Variants in DOK6 observed in about 807,000 individuals in gnomAD.
DOK6 encodes the protein docking protein 6.
Under a neutral mutation model 44.0 loss-of-function variants are expected in DOK6, and 22 were observed. That is an observed-to-expected ratio of 0.50 (90% CI 0.36 to 0.71). The LOEUF (loss-of-function observed/expected upper bound fraction) is 0.71. Ranked by LOEUF, DOK6 falls within the 30% of genes least tolerant of loss-of-function variation. DOK6 has a pLI of 0.00. For synonymous variants in DOK6, 166 were observed against 145.5 expected (o/e 1.14, Z -1.01); for missense variants, 340 against 416.4 (o/e 0.82, Z 1.60).
chr18:69,672,618 A>C (rs1433950402), intron 3 of DOK6, among the ~76,000 whole-genome samples: 1 of 149,314 alleles, frequency 6.7e-6, no homozygotes, highest in Non-Finnish European at 1.5e-5. Context: ...TCAGCCTGCC[A>C]AAGTGCTGGG....
chr18:69,531,591 C>T (rs1981987951), intron 1 of DOK6, among the ~76,000 whole-genome samples: 1 of 151,926 alleles, frequency 6.6e-6, no homozygotes, highest in Admixed American at 6.6e-5. Flanking sequence ...TCCAGACATA[C>T]AGAACCTGTA....
At chr18:69,419,745 A>G (rs1273360875) in intron 1 of DOK6, among the ~76,000 whole-genome samples, 1 of 152,328 alleles carries the variant, frequency 6.6e-6, no homozygotes, top group Middle Eastern at 3.4e-3. Flanking sequence ...CATTTACTAT[A>G]CACAGGAGGA....
intron 7 of DOK6, chr18:69,832,490 C>T (rs1981929170): frequency 6.6e-6 from 1 of 151,902 alleles, no homozygotes; most frequent in Admixed American, 6.6e-5. Context: ...GTAGTTTTCT[C>T]TTTTTTTCTA....
intron 1 of DOK6, among the ~76,000 whole-genome samples, chr18:69,541,738 T>G (rs963642867): frequency 6.6e-6 from 1 of 151,504 alleles, no homozygotes; most frequent in Non-Finnish European, 1.5e-5. Flanking sequence ...AGTATGATAA[T>G]GGTCATGTTT....
At chr18:69,658,341 C>T (rs536846665) in intron 3 of DOK6, among the ~76,000 whole-genome samples, 1 of 152,242 alleles carries the variant, frequency 6.6e-6, no homozygotes, top group East Asian at 1.9e-4. Flanking sequence ...TTGGTGACAT[C>T]ATCTGCAAAA....
intron 2 of DOK6, among the ~76,000 whole-genome samples, chr18:69,586,034 T>A (rs974935522): frequency 6.6e-6 from 1 of 152,182 alleles, no homozygotes; most frequent in African/African-American, 2.4e-5. Flanking sequence ...TTATATATAA[T>A]GGTAGGTCAG....
At chr18:69,683,028 T>A (rs1264270912) in intron 4 of DOK6, among the ~76,000 whole-genome samples, 4 of 152,202 alleles carry the variant, frequency 2.6e-5, no homozygotes, top group Non-Finnish European at 5.9e-5. Flanking sequence ...TTTTGAGGAT[T>A]TTCCCCCAAT....
chr18:69,503,358 G>A (rs1224435260), intron 1 of DOK6, among the ~76,000 whole-genome samples: 1 of 152,118 alleles, frequency 6.6e-6, no homozygotes, highest in African/African-American at 2.4e-5. Context: ...CACAGAAGCT[G>A]TTGTTTCTTT....
chr18:69,473,427 T>C (rs1265586793), intron 1 of DOK6, among the ~76,000 whole-genome samples: 1 of 152,244 alleles, frequency 6.6e-6, no homozygotes, highest in Non-Finnish European at 1.5e-5. Flanking sequence ...GGTGATATCA[T>C]GTTCCCTCAT....
intron 1 of DOK6, among the ~76,000 whole-genome samples, chr18:69,501,878 C>A (rs1310173394): frequency 6.6e-6 from 1 of 151,870 alleles, no homozygotes; most frequent in Non-Finnish European, 1.5e-5. Flanking sequence ...GCAAAAAATA[C>A]AGAACATAGC....
chr18:69,535,517 A>T (rs547368203), intron 1 of DOK6, among the ~76,000 whole-genome samples: 12 of 151,862 alleles, frequency 7.9e-5, no homozygotes, highest in South Asian at 4.1e-4. Context: ...CTAGATTTTT[A>T]AAAAAAATTT....
intron 5 of DOK6, among the ~76,000 whole-genome samples, chr18:69,714,011 G>A (rs761779974): frequency 6.6e-6 from 1 of 152,096 alleles, no homozygotes; most frequent in African/African-American, 2.4e-5. Context: ...TTTCTGTCTC[G>A]AGTACCACTA....
At chr18:69,768,843 A>G (rs1187159011) in intron 7 of DOK6, among the ~76,000 whole-genome samples, 1 of 151,752 alleles carries the variant, frequency 6.6e-6, no homozygotes, top group Non-Finnish European at 1.5e-5. Flanking sequence ...ATTAATAGAC[A>G]CTAACTGGAA....
chr18:69,401,352 C>A (rs766936694), intron 1 of DOK6, 42 bp downstream of exon 1: 1 of 1,437,042 alleles, frequency 7.0e-7, no homozygotes, highest in Non-Finnish European at 9.2e-7. Context: ...GGCGCTCGTT[C>A]GGCCCGGCTG....
intron 7 of DOK6, among the ~76,000 whole-genome samples, chr18:69,772,139 G>A (rs1599317085): frequency 6.6e-6 from 1 of 151,636 alleles, no homozygotes; most frequent in African/African-American, 2.4e-5. Context: ...CATTGCACTC[G>A]AGTCTGGGTG....
intron 2 of DOK6, among the ~76,000 whole-genome samples, chr18:69,571,983 A>G (rs957739447): frequency 6.6e-6 from 1 of 152,134 alleles, no homozygotes; most frequent in Admixed American, 6.6e-5. Flanking sequence ...ACGTTCAAGA[A>G]TATTAACAAG....
chr18:69,507,228 C>T (rs777240467), intron 1 of DOK6, among the ~76,000 whole-genome samples: 38 of 152,008 alleles, frequency 2.5e-4, no homozygotes, highest in Admixed American at 7.2e-4. Flanking sequence ...GGGGTTTCAC[C>T]GTGTTAGCCA....
At chr18:69,786,433 T>C (rs1176446889) in intron 7 of DOK6, among the ~76,000 whole-genome samples, 1 of 152,214 alleles carries the variant, frequency 6.6e-6, no homozygotes, top group African/African-American at 2.4e-5. Context: ...TAATCTTTAA[T>C]ATAAAGAGTC....
intron 1 of DOK6, among the ~76,000 whole-genome samples, chr18:69,414,084 A>T (rs1196640341): frequency 6.6e-6 from 1 of 152,092 alleles, no homozygotes; most frequent in Non-Finnish European, 1.5e-5. Flanking sequence ...AAGTGACAAC[A>T]CTAAATGCTG....
Sources: allele counts gnomAD v4.1 joint callset (sites outside exome capture counted in the v4.1 genomes callset), GRCh38; gene constraint gnomAD v4.1.1; transcripts MANE v1.5; gene names NCBI Gene and HGNC (gene_info 2026-07-23, HGNC 2026-07-21).